SLC39A10: variants seen among roughly 807,000 people sequenced by gnomAD.
SLC39A10 encodes the protein zinc transporter ZIP10.
A neutral mutation model predicts 65.1 loss-of-function variants in SLC39A10; 13 were observed. The ratio of observed to expected loss-of-function variants is 0.20; its 90% CI spans 0.13 to 0.32. The LOEUF is 0.32. Among genes scored for constraint, SLC39A10 ranks in the 10% least tolerant of loss-of-function variants. The pLI, the probability that SLC39A10 is intolerant of heterozygous loss-of-function variation, is 1.00. For missense variants in SLC39A10, 831 were observed against 1,018.4 expected (o/e 0.82, Z 2.50); for synonymous variants, 321 against 342.2 (o/e 0.94, Z 0.68).
In SLC39A10 at chr2:195,736,393, A is replaced by T. The variant is rs1464344827; in HGVS notation, c.*1352A>T. The T allele has an allele frequency of 1.2e-5, 2 of 166,718 alleles. No homozygotes were observed. Among genetic ancestry groups the T allele is most frequent in the Non-Finnish European group, 2.9e-5 (2 of 68,108 alleles). 10.3% of individuals were successfully genotyped at this position (166,718 alleles called of 1,614,324 possible). A position where few individuals can be genotyped will look rare whatever the true frequency, so the allele number is the denominator to read the frequency against. On this transcript the variant is annotated 3_prime_UTR_variant, in exon 10 of 10. Coordinates refer to ENST00000359634, the MANE Select transcript of SLC39A10 (RefSeq NM_020342.3). ...ATCCTATGCCACATGGTCTTCATTT[A>T]TGCCAGGTAAACTGTATTTGAACTA...
At position 195,718,269 on chromosome 2, in the gene SLC39A10, G is replaced by A; in HGVS notation, c.2083G>A (p.Gly695Arg). ...TTCCTCAGGTGCAGCTTTCAGTGCT[G>A]GATTGACAGGAGGAATCAGTACTTC... ...GLAIGAAFSA[G>R]LTGGISTSIA... Residue 695 changes from glycine to arginine, a missense_variant, in exon 8 of 10, where the codon GGA becomes AGA. Coordinates refer to ENST00000359634, the MANE Select transcript of SLC39A10 (RefSeq NM_020342.3). The A allele has an allele frequency of 1.2e-6, 2 of 1,606,574 alleles. No individual in the cohort carries two copies. The highest frequency in any genetic ancestry group is 1.7e-6 in the Non-Finnish European group (2 of 1,174,776).
chr2:195,725,806 G>A (rs987128626), intron 8 of SLC39A10, among the ~76,000 whole-genome samples: 2 of 152,094 alleles, frequency 1.3e-5, no homozygotes, highest in Non-Finnish European at 2.9e-5. Context: ...ACAGTAACAC[G>A]AATGAGTCTT....
intron 2 of SLC39A10, among the ~76,000 whole-genome samples, chr2:195,641,524 A>T (rs971244076): frequency 6.6e-6 from 1 of 152,212 alleles, no homozygotes; most frequent in Non-Finnish European, 1.5e-5. Flanking sequence ...CATGTAATCA[A>T]TATGAAAAAT....
At chr2:195,677,749 ATTT>A (rs58648222) in intron 1 of SLC39A10, among the ~76,000 whole-genome samples, 12 of 119,038 alleles carry the variant, frequency 1.0e-4, no homozygotes, top group Admixed American at 1.8e-4. Context: ...CTTTTATCAG[ATTT>A]TTTTTTTTTT....
intron 5 of SLC39A10, among the ~76,000 whole-genome samples, chr2:195,710,281 A>T (rs1034085617): frequency 6.6e-6 from 1 of 152,170 alleles, no homozygotes; most frequent in Non-Finnish European, 1.5e-5. Flanking sequence ...TCTCACTAAC[A>T]TGTTTGTGAT....
At chr2:195,718,424 A>G in intron 8 of SLC39A10, 92 bp downstream of exon 8, 1 of 914,760 alleles carries the variant, frequency 1.1e-6, no homozygotes, top group South Asian at 1.7e-5. Flanking sequence ...GTTCAAGCAT[A>G]AAAAATGGCT....
chr2:195,657,962 G>A (rs10184777), intron 1 of SLC39A10: 6,845 of 146,206 alleles, frequency 0.047, 188 homozygotes, highest in African/African-American at 0.097. Context: ...GGCCTGCTGG[G>A]GGTCCCTGGA....
intron 2 of SLC39A10, among the ~76,000 whole-genome samples, chr2:195,637,350 T>C (rs539068084): frequency 1.6e-3 from 244 of 152,326 alleles, no homozygotes; most frequent in African/African-American, 5.0e-3. Context: ...TTGCCCCACA[T>C]GAGAGGTATT....
At chr2:195,657,358 G>A (rs1465742103) in intron 1 of SLC39A10, 77 bp downstream of exon 1, 1 of 983,196 alleles carries the variant, frequency 1.0e-6, no homozygotes, top group Non-Finnish European at 1.2e-6. Context: ...TGCGAGTCCC[G>A]GGACGGCGTG....
intron 1 of SLC39A10, among the ~76,000 whole-genome samples, chr2:195,661,698 A>C (rs570430364): frequency 1.3e-5 from 2 of 152,322 alleles, no homozygotes; most frequent in African/African-American, 4.8e-5. Flanking sequence ...TGCCAGATAC[A>C]AGGAGTGGTT....
chr2:195,720,088 C>T (rs1013051937), intron 8 of SLC39A10, among the ~76,000 whole-genome samples: 2 of 151,338 alleles, frequency 1.3e-5, no homozygotes, highest in East Asian at 3.9e-4. Flanking sequence ...CTGCGCCCGG[C>T]CATAATTTTT....
At position 195,706,630 on chromosome 2, in the gene SLC39A10, A is replaced by G. The variant is rs759819583; in HGVS notation, c.1231A>G (p.Ile411Val). ...NIGASAWICG[I>V]ISITVISLLS... ...CTTTTCTACAGCCTGGATTTGTGGT[A>G]TCATTTCTATCACTGTCATTAGCCT... is the stretch of plus-strand genomic sequence containing the variant. Residue 411 changes from isoleucine (I) to valine (V), a missense_variant, in exon 4 of 10, where the codon ATC becomes GTC. Ile to Val is a conservative substitution (Grantham distance 29). Transcript: ENST00000359634. 1.9e-6 allele frequency: 3 copies of G among 1,611,582 alleles called. No individual in the cohort carries two copies. Among genetic ancestry groups the G allele is most frequent in the Non-Finnish European group, 2.5e-6 (3 of 1,178,928 alleles).
chr2:195,618,996 G>A (rs2105684711), intron 2 of SLC39A10, among the ~76,000 whole-genome samples: 1 of 151,078 alleles, frequency 6.6e-6, no homozygotes, highest in East Asian at 2.0e-4. Context: ...GGGTGGCTGA[G>A]GCAGGAGAAT....
At chr2:195,700,496 C>T (rs1691135419) in intron 3 of SLC39A10, among the ~76,000 whole-genome samples, 1 of 152,164 alleles carries the variant, frequency 6.6e-6, no homozygotes, top group African/African-American at 2.4e-5. Context: ...TACAAAAATT[C>T]TGCTCCTTTA....
At chr2:195,713,620 A>G (rs1009397382) in intron 6 of SLC39A10, 67 bp downstream of exon 6, 3 of 1,452,882 alleles carry the variant, frequency 2.1e-6, no homozygotes, top group African/African-American at 3.0e-5. Flanking sequence ...TTTACATTTA[A>G]TTTCTATTTA....
At position 195,728,195 on chromosome 2, in the gene SLC39A10, T is replaced by C; in HGVS notation, c.2183T>C (p.Val728Ala). Residue 728 changes from valine (V) to alanine (A), a missense_variant, in exon 9 of 10, where the codon GTA (valine) becomes GCA (alanine). Transcript: ENST00000359634. The surrounding 1 kb of genome is among the most constrained non-coding windows in gnomAD (Gnocchi z 4.4). ...FAVLLKAGMT[V>A]KQAIVYNLLS... is the part of the protein sequence containing the mutation. ...GTTCTTCTTAAAGCAGGCATGACTG[T>C]AAAGCAAGCAATTGTATACAACCTC... 1 of 1,613,862 alleles carries C rather than the reference T, an allele frequency of 6.2e-7. No homozygotes were observed. Among genetic ancestry groups the C allele is most frequent in the South Asian group, 1.1e-5 (1 of 91,056 alleles).
intron 3 of SLC39A10, among the ~76,000 whole-genome samples, chr2:195,700,284 T>G (rs146841385): frequency 2.6e-5 from 4 of 152,310 alleles, no homozygotes; most frequent in African/African-American, 9.6e-5. Context: ...CCTTAATGCT[T>G]TTTTTGTCCT....
upstream of SLC39A10, chr2:195,657,105 G>A (rs1388966414): frequency 1.3e-5 from 2 of 152,480 alleles, no homozygotes; most frequent in African/African-American, 2.4e-5. Context: ...ATAGGCGGAC[G>A]GGGTGCGGCT....
intron 2 of SLC39A10, among the ~76,000 whole-genome samples, chr2:195,646,262 T>A (rs1688912458): frequency 6.6e-6 from 1 of 152,164 alleles, no homozygotes; most frequent in Admixed American, 6.5e-5. Flanking sequence ...TTTATTTTAT[T>A]TTTTTATTTA....
Sources: allele counts gnomAD v4.1 joint callset (sites outside exome capture counted in the v4.1 genomes callset), GRCh38; gene constraint gnomAD v4.1.1; non-coding constraint Gnocchi (gnomAD v3.1); transcripts MANE v1.5; gene names NCBI Gene and HGNC (gene_info 2026-07-23, HGNC 2026-07-21).